Variants in UNC5D observed in about 807,000 individuals in gnomAD.
UNC5D encodes netrin receptor UNC5D.
UNC5D carries 39 observed loss-of-function variants against 105.4 expected under a neutral mutation model. That is an observed-to-expected ratio of 0.37 (90% confidence interval 0.29 to 0.48). UNC5D has a LOEUF of 0.48. Among genes scored for constraint, UNC5D ranks in the 20% least tolerant of loss-of-function variants. The pLI is 0.98. For missense variants in UNC5D, 991 were observed against 1,202.4 expected (o/e 0.82, Z 2.60); for synonymous variants, 452 against 450.4 (o/e 1.00, Z -0.04).
intron 1 of UNC5D, among the ~76,000 whole-genome samples, chr8:35,484,025 C>T (rs1810666999): frequency 6.6e-6 from 1 of 152,074 alleles, no homozygotes. Context: ...CCTCTAGAGA[C>T]CTACTTTCAA....
chr8:35,653,493 G>A (rs565846843), intron 4 of UNC5D, among the ~76,000 whole-genome samples: 1 of 152,290 alleles, frequency 6.6e-6, no homozygotes, highest in Admixed American at 6.5e-5. Context: ...AAATGCTGAT[G>A]CTAATGCTGT....
chr8:35,683,863 C>T, intron 5 of UNC5D, 136 bp downstream of exon 5: 1 of 808,356 alleles, frequency 1.2e-6, no homozygotes, highest in Non-Finnish European at 1.7e-6. Context: ...TATCCTGCCT[C>T]CCTCGTCTGG....
intron 15 of UNC5D, among the ~76,000 whole-genome samples, chr8:35,772,037 A>G (rs868156991): frequency 6.6e-6 from 1 of 152,218 alleles, no homozygotes; most frequent in East Asian, 1.9e-4. Context: ...TCTAAAAACC[A>G]TGCTCTTTTC....
At chr8:35,453,201 C>G (rs114452760) in intron 1 of UNC5D, among the ~76,000 whole-genome samples, 69 of 152,194 alleles carry the variant, frequency 4.5e-4, no homozygotes, top group African/African-American at 1.6e-3. Flanking sequence ...GTTCCTGTCT[C>G]CAGTAGCATT....
chr8:35,568,375 G>T, intron 3 of UNC5D, 134 bp downstream of exon 3: 1 of 1,277,618 alleles, frequency 7.8e-7, no homozygotes, highest in South Asian at 1.7e-5. Flanking sequence ...CTTCTAAAAT[G>T]TTATTTTAAA....
At chr8:35,236,394 T>C (rs1293502267) in intron 1 of UNC5D, among the ~76,000 whole-genome samples, 1 of 36,524 alleles carries the variant, frequency 2.7e-5, no homozygotes, top group African/African-American at 1.0e-4. Context: ...GCTCTGCGCC[T>C]AGCTTGGCAC....
chr8:35,476,261 C>G (rs1810091597), intron 1 of UNC5D, among the ~76,000 whole-genome samples: 1 of 152,158 alleles, frequency 6.6e-6, no homozygotes, highest in South Asian at 2.1e-4. Context: ...TGGGCCTTCA[C>G]AAGTACACTG....
In UNC5D at chr8:35,432,358, A is replaced by G. The variant is rs1389589706; in HGVS notation, c.104-116934A>G. 2.0e-5 allele frequency among the ~76,000 whole-genome samples: 3 copies of G among 152,150 alleles called. No individual in the cohort carries two copies. The East Asian group carries it at 5.8e-4, about 29-fold the overall frequency. On this transcript the variant is annotated intron_variant, in intron 1 of 16. Coordinates refer to ENST00000404895, the MANE Select transcript of UNC5D (RefSeq NM_080872.4). ...AACATTATTATGACATAGTTTTATA[A>G]ATCAGAAAATTATGGGAAGTACTCA... is the stretch of plus-strand genomic sequence containing the variant.
rs996103980 is a variant in UNC5D at position 35,684,526 on chromosome 8, G to T, written c.752-56G>T. Reference sequence around the variant, plus strand: ...TGGCACAGTGGCTTGCACATAGTAGGCAATCAGTAAAAACCTCTCTCCTTT... The same window carrying T: ...TGGCACAGTGGCTTGCACATAGTAGTCAATCAGTAAAAACCTCTCTCCTTT... On this transcript the variant is annotated intron_variant, in intron 5 of 16. Transcript: ENST00000404895. The T allele has an allele frequency of 3.2e-6, 5 of 1,576,120 alleles. No individual in the cohort carries two copies. The Admixed American group carries it at 8.7e-5, about 27-fold the overall frequency.
intron 1 of UNC5D, among the ~76,000 whole-genome samples, chr8:35,236,789 C>G (rs552692985): frequency 6.6e-6 from 1 of 152,164 alleles, no homozygotes; most frequent in Admixed American, 6.5e-5. Context: ...AGCTCAAGTA[C>G]CGGAGCTTTA....
rs139470850 is a variant in UNC5D at position 35,629,362 on chromosome 8, C to T, written c.570+33705C>T. Among the ~76,000 whole-genome samples, 978 of 152,068 alleles carry T rather than the reference C, an allele frequency of 6.4e-3. 7 individuals are homozygous for T. Among genetic ancestry groups the T allele is most frequent in the African/African-American group, 0.022 (933 of 41,502 alleles). On this transcript the variant is annotated intron_variant, in intron 4 of 16. Coordinates refer to ENST00000404895, the MANE Select transcript of UNC5D (RefSeq NM_080872.4). ...TTTCTTCTTTTGAGAAATGTCTGTT[C>T]GTGTCCTTTGCCCAGTTTTTAATGG... is the stretch of plus-strand genomic sequence containing the variant.
intron 16 of UNC5D, among the ~76,000 whole-genome samples, chr8:35,785,773 A>C (rs560762356): frequency 4.1e-4 from 63 of 152,272 alleles, no homozygotes; most frequent in African/African-American, 1.4e-3. Flanking sequence ...AGAAAGTAAG[A>C]CTTTTAATAG....
At chr8:35,637,995 A>C (rs1300664485) in intron 4 of UNC5D, among the ~76,000 whole-genome samples, 1 of 152,214 alleles carries the variant, frequency 6.6e-6, no homozygotes, top group Non-Finnish European at 1.5e-5. Context: ...TATCTTAAGA[A>C]GGATGGCAAG....
At chr8:35,736,357 C>T (rs975243886) in intron 11 of UNC5D, among the ~76,000 whole-genome samples, 3 of 152,088 alleles carry the variant, frequency 2.0e-5, no homozygotes, top group East Asian at 3.9e-4. Context: ...GGCTATACAG[C>T]GAGACCCTGT....
chr8:35,280,126 G>A (rs540323796), intron 1 of UNC5D, among the ~76,000 whole-genome samples: 106 of 152,122 alleles, frequency 7.0e-4, no homozygotes, highest in Admixed American at 1.4e-3. Flanking sequence ...CTCCCAAATA[G>A]CTGGGATTAC....
At chr8:35,582,775 G>A (rs1818542543) in intron 3 of UNC5D, among the ~76,000 whole-genome samples, 1 of 152,166 alleles carries the variant, frequency 6.6e-6, no homozygotes, top group Admixed American at 6.5e-5. Flanking sequence ...TTACAATGAG[G>A]TGGTGAGTAT....
At chr8:35,314,350 T>C (rs1250866323) in intron 1 of UNC5D, among the ~76,000 whole-genome samples, 1 of 152,112 alleles carries the variant, frequency 6.6e-6, no homozygotes, top group African/African-American at 2.4e-5. Context: ...TTCTCAAGTA[T>C]AGGGGGTCTT....
At chr8:35,360,114 T>C (rs567582814) in intron 1 of UNC5D, among the ~76,000 whole-genome samples, 68 of 152,294 alleles carry the variant, frequency 4.5e-4, no homozygotes, top group African/African-American at 1.6e-3. Flanking sequence ...TAGTTTCTTC[T>C]AGAGGGTTTT....
At chr8:35,380,284 C>G (rs553558460) in intron 1 of UNC5D, among the ~76,000 whole-genome samples, 6 of 151,204 alleles carry the variant, frequency 4.0e-5, no homozygotes, top group Admixed American at 2.6e-4. Context: ...AGGTCCTAGT[C>G]CCACTATGAG....
Sources: allele counts gnomAD v4.1 joint callset (sites outside exome capture counted in the v4.1 genomes callset), GRCh38; gene constraint gnomAD v4.1.1; transcripts MANE v1.5; gene names NCBI Gene and HGNC (gene_info 2026-07-23, HGNC 2026-07-21).